The following HACD1 variants were observed in gnomAD, a reference collection of about 807,000 sequenced individuals.
The protein encoded by HACD1 is 3-hydroxyacyl-CoA dehydratase 1.
HACD1 carries 41 observed loss-of-function variants against 32.0 expected under a neutral mutation model. That is an observed-to-expected ratio of 1.28 (90% CI 1.00 to 1.66). The LOEUF (loss-of-function observed/expected upper bound fraction) is 1.66, where lower values mean the gene tolerates loss of function less well. Ranked by LOEUF, HACD1 falls within the 40% of genes most tolerant of loss-of-function variation. HACD1 has a pLI of 0.00. For synonymous variants in HACD1, 142 were observed against 139.0 expected, an observed-to-expected ratio of 1.02 and a Z score of -0.15; for missense variants, 396 against 380.1, an observed-to-expected ratio of 1.04 and a Z score of -0.35.
At chr10:17,600,331 T>C (rs1739144244) in intron 4 of HACD1, among the ~76,000 whole-genome samples, 1 of 152,156 alleles carries the variant, frequency 6.6e-6, no homozygotes, top group Admixed American at 6.5e-5. Flanking sequence ...ATTTATTTAT[T>C]TATTTAGCTT....
chr10:17,605,733 C>T (rs1403992505), intron 1 of HACD1, among the ~76,000 whole-genome samples: 2 of 151,820 alleles, frequency 1.3e-5, no homozygotes, highest in Non-Finnish European at 2.9e-5. Context: ...GTGGGTGGAT[C>T]ACCTGAGGTC....
At chr10:17,601,481 C>A (rs1411468350) in intron 4 of HACD1, among the ~76,000 whole-genome samples, 1 of 152,154 alleles carries the variant, frequency 6.6e-6, no homozygotes, top group Non-Finnish European at 1.5e-5. Context: ...AATATTAAGG[C>A]AGAGATCCTC....
chr10:17,599,850 C>G (rs1322373861), intron 4 of HACD1, among the ~76,000 whole-genome samples: 1 of 152,160 alleles, frequency 6.6e-6, no homozygotes, highest in African/African-American at 2.4e-5. Flanking sequence ...GTAACTGTTT[C>G]CTAAATAGTC....
chr10:17,615,346 C>G (rs1294153732), intron 1 of HACD1: 1 of 152,264 alleles, frequency 6.6e-6, no homozygotes, highest in African/African-American at 2.4e-5. Context: ...CCTCACAGGA[C>G]TTTAAAGGAC....
chr10:17,591,082 G>A (rs182205605), intron 6 of HACD1, among the ~76,000 whole-genome samples: 4 of 152,168 alleles, frequency 2.6e-5, no homozygotes, highest in East Asian at 3.9e-4. Flanking sequence ...GGAATGCTGC[G>A]CCAGAACATT....
intron 1 of HACD1, 104 bp from the exon 2 acceptor site, chr10:17,604,151 C>A (rs1834111395): frequency 1.1e-5 from 9 of 822,550 alleles, no homozygotes; most frequent in African/African-American, 1.7e-5. Flanking sequence ...AAGGTAAAAG[C>A]AACCCAGGTG....
Position 17,617,163 on chromosome 10 carries a change from C to G in HACD1, c.177G>C (p.Arg59=). The change falls in exon 1 of 7, where the codon CGG becomes CGC. Residue 59 remains arginine (R), a synonymous_variant. Coordinates refer to ENST00000361271, the MANE Select transcript of HACD1 (RefSeq NM_014241.4). ...GGCGCCTCCGCTCGCCGGGAGCCTC[C>G]CGGTCCTCGCCGGCCTCCGAGGCGC... ...NGGASEAGED[R]EAPGERRRLG... 1 of 1,505,504 alleles carries G rather than the reference C, an allele frequency of 6.6e-7. No homozygotes were observed. The highest frequency in any genetic ancestry group is 8.8e-7 in the Non-Finnish European group (1 of 1,131,170). The allele number at this position is 1,505,504 out of a possible 1,614,324, so 93.3% of individuals were successfully genotyped here. A position where few individuals can be genotyped will look rare whatever the true frequency, so the allele number is the denominator to read the frequency against.
intron 3 of HACD1, 29 bp from the exon 4 acceptor site, chr10:17,603,677 C>T (rs1426411762): frequency 1.2e-6 from 2 of 1,605,752 alleles, no homozygotes; most frequent in Non-Finnish European, 1.7e-6. Flanking sequence ...TGAACTATTG[C>T]CCTAAAGGCA....
At chr10:17,596,791 C>G (rs774117714) in intron 5 of HACD1, among the ~76,000 whole-genome samples, 1 of 151,794 alleles carries the variant, frequency 6.6e-6, no homozygotes. Context: ...TATGAAAAAC[C>G]TAACTTAATA....
Position 17,603,939 on chromosome 10 carries a change from G to A in HACD1, c.366C>T (p.Ala122=). 1 of 1,603,300 alleles carries A rather than the reference G, an allele frequency of 6.2e-7. No homozygotes were observed. Among genetic ancestry groups the A allele is most frequent in the African/African-American group, 1.3e-5 (1 of 74,700 alleles). Residue 122 remains alanine (A), a synonymous_variant, in exon 2 of 7, where the codon GCC becomes GCT. Coordinates refer to ENST00000361271, the MANE Select transcript of HACD1 (RefSeq NM_014241.4). ...ATGATGGAAAACTTACCTCAAGCAAGGCAAATGTCTGGAAAAATTTAAGTG... is the reference window on the plus strand; with the variant it reads ...ATGATGGAAAACTTACCTCAAGCAAAGCAAATGTCTGGAAAAATTTAAGTG... ...QKTLKFFQTF[A]LLEIVHCLIG...
chr10:17,617,172 G>T lies in HACD1; in HGVS notation c.168C>A (p.Gly56=). ...DGTNGGASEA[G]EDREAPGERR... is the part of the protein sequence containing the mutation. The stretch of plus-strand genomic sequence containing the variant: ...GCTCGCCGGGAGCCTCCCGGTCCTC[G>T]CCGGCCTCCGAGGCGCCGCCGTTGG... The change falls in exon 1 of 7, where the codon GGC becomes GGA. Residue 56 remains glycine (G), a synonymous_variant. Transcript: ENST00000361271. 6.6e-7 allele frequency: 1 copy of T among 1,504,452 alleles called. No individual in the cohort carries two copies. The highest frequency in any genetic ancestry group is 8.8e-7 in the Non-Finnish European group (1 of 1,130,880). The allele number at this position is 1,504,452 out of a possible 1,614,324, so 93.2% of individuals were successfully genotyped here.
At chr10:17,616,877 G>A (rs991596092) in intron 1 of HACD1, among the ~76,000 whole-genome samples, 14 of 151,860 alleles carry the variant, frequency 9.2e-5, no homozygotes, top group Non-Finnish European at 1.5e-4. Flanking sequence ...GCCGTGCACC[G>A]TATTAGGCAA....
At chr10:17,597,154 A>T (rs1834004858) in intron 5 of HACD1, among the ~76,000 whole-genome samples, 1 of 152,190 alleles carries the variant, frequency 6.6e-6, no homozygotes, top group African/African-American at 2.4e-5. Context: ...ATGGATAAAC[A>T]CTTTCTTCTT....
chr10:17,594,103 G>T, intron 6 of HACD1, 102 bp downstream of exon 6: 1 of 1,085,566 alleles, frequency 9.2e-7, no homozygotes, highest in Non-Finnish European at 1.2e-6. Context: ...TAATGTATTT[G>T]TAAGCAATTA....
intron 5 of HACD1, among the ~76,000 whole-genome samples, chr10:17,595,088 C>T (rs1833979504): frequency 6.6e-6 from 1 of 151,374 alleles, no homozygotes; most frequent in Non-Finnish European, 1.5e-5. Context: ...TGAACTCCTG[C>T]CTTCAGGTGA....
chr10:17,591,326 G>T (rs1487092103), intron 6 of HACD1, among the ~76,000 whole-genome samples: 2 of 152,014 alleles, frequency 1.3e-5, no homozygotes, highest in Admixed American at 6.6e-5. Context: ...GCCTGGTTAG[G>T]GCCCAGATGC....
In HACD1 at chr10:17,603,758, G is replaced by GA; in HGVS notation, c.376-15dup. ...ACAGTGAACTATCTGTAAGCAAATA[G>GA]AAAAAAATCATTACGTCAATAATAG... On this transcript the variant is annotated splice_polypyrimidine_tract_variant and intron_variant, in intron 2 of 6. Coordinates refer to ENST00000361271, the MANE Select transcript of HACD1 (RefSeq NM_014241.4). The GA allele has an allele frequency of 6.3e-7, 1 of 1,589,806 alleles. No homozygotes were observed. Among genetic ancestry groups the GA allele is most frequent in the Non-Finnish European group, 8.6e-7 (1 of 1,161,170 alleles).
chr10:17,593,176 A>T (rs1326512139), intron 6 of HACD1, among the ~76,000 whole-genome samples: 2 of 152,024 alleles, frequency 1.3e-5, no homozygotes, highest in Non-Finnish European at 2.9e-5. Flanking sequence ...TCTCAAAAAA[A>T]ACAACAAAAA....
chr10:17,616,239 A>C (rs1833081936), intron 1 of HACD1, among the ~76,000 whole-genome samples: 1 of 69,492 alleles, frequency 1.4e-5, no homozygotes, highest in Non-Finnish European at 3.2e-5. Context: ...ACTGCACTCC[A>C]GCCAAGACCG....
Sources: gnomAD v4.1 joint callset for allele counts (sites outside exome capture counted in the v4.1 genomes callset) on GRCh38, gnomAD v4.1.1 for gene constraint, MANE v1.5 for transcripts, NCBI Gene and HGNC (gene_info 2026-07-23, HGNC 2026-07-21) for gene names.